Variants in NFIC observed in about 807,000 individuals in gnomAD.
The protein encoded by NFIC is nuclear factor 1 C-type.
Under a neutral mutation model 54.4 loss-of-function variants are expected in NFIC, and 12 were observed. The observed-to-expected ratio is 0.22, with a 90% CI of 0.14 to 0.36. The LOEUF is 0.36. Among genes scored for constraint, NFIC ranks in the 10% least tolerant of loss-of-function variants. NFIC has a pLI of 1.00. For synonymous variants in NFIC, 322 were observed against 319.2 expected (o/e 1.01, Z -0.09); for missense variants, 575 against 718.2 (o/e 0.80, Z 2.28).
At chr19:3,439,171 A>T (rs2082252328) in intron 6 of NFIC, among the ~76,000 whole-genome samples, 1 of 101,050 alleles carries the variant, frequency 9.9e-6, no homozygotes, top group South Asian at 2.6e-4. Context: ...ATCTCTACTT[A>T]AAAAAAAAAA....
chr19:3,456,943 G>A, intron 10 of NFIC: 1 of 433,102 alleles, frequency 2.3e-6, no homozygotes, highest in South Asian at 2.1e-5. Context: ...GCTTCCCATG[G>A]TATAGATGGG....
chr19:3,374,818 C>T (rs1392409411), intron 1 of NFIC, among the ~76,000 whole-genome samples: 4 of 152,254 alleles, frequency 2.6e-5, no homozygotes, highest in Admixed American at 2.0e-4. Context: ...AGAGTGACAA[C>T]CGGCCAACCA....
intron 2 of NFIC, among the ~76,000 whole-genome samples, chr19:3,393,103 G>C (rs1023655967): frequency 2.1e-4 from 32 of 152,098 alleles, no homozygotes; most frequent in African/African-American, 7.7e-4. Flanking sequence ...ACCACACCCA[G>C]CTAATTTTTG....
intron 2 of NFIC, among the ~76,000 whole-genome samples, chr19:3,409,228 T>C (rs923671076): frequency 6.6e-6 from 1 of 152,060 alleles, no homozygotes; most frequent in Admixed American, 6.6e-5. Context: ...ACATCCAACT[T>C]CATTCCTGCC....
chr19:3,396,654 G>C (rs1379709597), intron 2 of NFIC, among the ~76,000 whole-genome samples: 1 of 152,042 alleles, frequency 6.6e-6, no homozygotes. Context: ...GCAGAGCTTT[G>C]TTCAAAGGCA....
At chr19:3,360,143 C>T (rs987339818) in intron 1 of NFIC, among the ~76,000 whole-genome samples, 4 of 145,300 alleles carry the variant, frequency 2.8e-5, no homozygotes, top group Non-Finnish European at 4.6e-5. Flanking sequence ...CGGCGGCCCC[C>T]GCGGGGTGCC....
At chr19:3,426,217 G>A (rs561465957) in intron 3 of NFIC, among the ~76,000 whole-genome samples, 1 of 151,058 alleles carries the variant, frequency 6.6e-6, no homozygotes, top group South Asian at 2.1e-4. Flanking sequence ...ACAGGCATGA[G>A]CCACCGCGCC....
At chr19:3,368,674 T>A (rs546805582) in intron 1 of NFIC, among the ~76,000 whole-genome samples, 97 of 152,154 alleles carry the variant, frequency 6.4e-4, no homozygotes, top group African/African-American at 2.1e-3. Flanking sequence ...GGGGACCCCC[T>A]TTCCAGTTTG....
At chr19:3,420,985 AGT>A (rs1462137328) in intron 2 of NFIC, among the ~76,000 whole-genome samples, 1 of 152,172 alleles carries the variant, frequency 6.6e-6, no homozygotes, top group Non-Finnish European at 1.5e-5. Flanking sequence ...GGCCTCCCAT[AGT>A]GCTGGGAATA....
intron 6 of NFIC, among the ~76,000 whole-genome samples, chr19:3,446,517 A>G (rs2082376481): frequency 6.6e-6 from 1 of 152,188 alleles, no homozygotes; most frequent in African/African-American, 2.4e-5. Context: ...GAGACCCTGG[A>G]GGTAAGGAAC....
intron 2 of NFIC, among the ~76,000 whole-genome samples, chr19:3,402,149 A>C (rs1328209347): frequency 6.7e-6 from 1 of 149,570 alleles, no homozygotes; most frequent in Non-Finnish European, 1.5e-5. Flanking sequence ...GGGTTCAAGC[A>C]ATTCTCCTGC....
intron 6 of NFIC, among the ~76,000 whole-genome samples, chr19:3,438,540 C>A (rs1338854363): frequency 2.0e-5 from 3 of 151,524 alleles, no homozygotes; most frequent in Non-Finnish European, 4.4e-5. Context: ...CGGGTTCACG[C>A]CATTCTCCTG....
chr19:3,371,408 T>G (rs2081007645), intron 1 of NFIC: 1 of 147,458 alleles, frequency 6.8e-6, no homozygotes, highest in Non-Finnish European at 1.5e-5. Context: ...CACTGCAGCC[T>G]CCGGGGAGGC....
intron 10 of NFIC, 114 bp downstream of exon 10, chr19:3,456,749 G>A: frequency 9.4e-7 from 1 of 1,062,850 alleles, no homozygotes; most frequent in Non-Finnish European, 1.4e-6. Context: ...CTGGCACAGG[G>A]GCGCCAGCCT....
At chr19:3,451,185 G>A (rs2082457272) in intron 7 of NFIC, among the ~76,000 whole-genome samples, 1 of 152,194 alleles carries the variant, frequency 6.6e-6, no homozygotes, top group South Asian at 2.1e-4. Flanking sequence ...TGCTCAGTAA[G>A]AGAAGCCAGA....
intron 4 of NFIC, 124 bp from the exon 5 acceptor site, chr19:3,434,153 C>T: frequency 7.1e-7 from 1 of 1,417,370 alleles, no homozygotes; most frequent in South Asian, 1.4e-5. Context: ...ACCCTAGGAA[C>T]CGGGCCAATA....
intron 3 of NFIC, 90 bp downstream of exon 3, chr19:3,425,267 G>T: frequency 7.1e-7 from 1 of 1,410,744 alleles, no homozygotes; most frequent in East Asian, 2.5e-5. Flanking sequence ...GGCACCACTC[G>T]TTTTACAGAT....
rs2080976718 is a variant in NFIC at position 3,370,293 on chromosome 19, G to T, written c.30+3627G>T. 6.6e-6 allele frequency among the ~76,000 whole-genome samples: 1 copy of T among 151,982 alleles called. No individual in the cohort carries two copies. Among genetic ancestry groups the T allele is most frequent in the Non-Finnish European group, 1.5e-5 (1 of 67,950 alleles). On this transcript the variant is annotated intron_variant, in intron 1 of 10. Transcript: ENST00000443272. This position sits in a 1 kb window ranked among gnomAD's most constrained non-coding sequence, Gnocchi z 5.2. ...TCTCCCCGTGTGCCCCCCACCCGGG[G>T]CCTGGTGGCCTCTGATTCACTCTCT...
Position 3,459,435 on chromosome 19 carries a change from CG to C in NFIC, c.1509+2801del, listed in dbSNP as rs1260805919. On this transcript the variant is annotated intron_variant, in intron 10 of 10. Coordinates refer to ENST00000443272, the MANE Select transcript of NFIC (RefSeq NM_001245002.2). The surrounding 1 kb of genome is among the most constrained non-coding windows in gnomAD (Gnocchi z 4.2). ...TACATTTCTCCTGCACGGGAACCCA[CG>C]TAAGCAGCTGGGTAAACCGAGGGTG... is the stretch of plus-strand genomic sequence containing the variant. 1.3e-5 allele frequency among the ~76,000 whole-genome samples: 2 copies of C among 151,856 alleles called. No individual in the cohort carries two copies. Among genetic ancestry groups the C allele is most frequent in the African/African-American group, 4.9e-5 (2 of 41,140 alleles).
Sources: gnomAD v4.1 joint callset for allele counts (sites outside exome capture counted in the v4.1 genomes callset) on GRCh38, gnomAD v4.1.1 for gene constraint, Gnocchi (gnomAD v3.1) non-coding constraint, MANE v1.5 for transcripts, NCBI Gene and HGNC (gene_info 2026-07-23, HGNC 2026-07-21) for gene names.